Variants in CC2D2B observed in about 807,000 individuals in gnomAD.
CC2D2B encodes the protein coiled-coil and C2 domain containing 2B.
CC2D2B carries 128 observed loss-of-function variants against 161.2 expected under a neutral mutation model. The ratio of observed to expected loss-of-function variants is 0.79; its 90% CI spans 0.69 to 0.92. The LOEUF is 0.92. Ranked by LOEUF, CC2D2B falls within the 40% of genes least tolerant of loss-of-function variation. The pLI is 0.00. For synonymous variants in CC2D2B, 391 were observed against 449.8 expected (o/e 0.87, Z 1.65); for missense variants, 1,173 against 1,375.1 (o/e 0.85, Z 2.32).
chr10:95,917,008 C>A (rs1327618936), intron 2 of CC2D2B, among the ~76,000 whole-genome samples: 2 of 152,060 alleles, frequency 1.3e-5, no homozygotes, highest in Non-Finnish European at 2.9e-5. Context: ...CCAACTATTG[C>A]TGCATTGGTT....
intron 20 of CC2D2B, among the ~76,000 whole-genome samples, chr10:95,990,292 C>T (rs1333204616): frequency 6.6e-6 from 1 of 151,860 alleles, no homozygotes; most frequent in East Asian, 1.9e-4. Context: ...AGTAAGGGCA[C>T]AATTTTAAAT....
rs182838886 is a variant in CC2D2B, at chr10:95,956,379, A to C, written c.1109+888A>C. 1.3e-3 allele frequency among the ~76,000 whole-genome samples: 198 copies of C among 152,264 alleles called. 2 individuals carry two copies. Among genetic ancestry groups the C allele is most frequent in the Non-Finnish European group, 2.5e-3 (172 of 68,020 alleles). ...GAAAATAGAATTATCAAATATAGAA[A>C]ATAATATAACTTTTTAAAATATGAT... On this transcript the variant is annotated intron_variant, in intron 11 of 34. Coordinates refer to ENST00000646931, the MANE Select transcript of CC2D2B (RefSeq NM_001349008.3).
chr10:95,974,736 T>G (rs2077255024), intron 17 of CC2D2B, among the ~76,000 whole-genome samples: 1 of 152,184 alleles, frequency 6.6e-6, no homozygotes, highest in Admixed American at 6.5e-5. Context: ...ACACATATTT[T>G]TAAAAATAAA....
At chr10:96,004,947 A>G (rs1260914631) in intron 25 of CC2D2B, among the ~76,000 whole-genome samples, 1 of 152,210 alleles carries the variant, frequency 6.6e-6, no homozygotes, top group African/African-American at 2.4e-5. Context: ...TTGAAGAGTA[A>G]GGTTCAGGAA....
chr10:95,947,583 A>G (rs2076266328), intron 9 of CC2D2B, among the ~76,000 whole-genome samples: 2 of 151,976 alleles, frequency 1.3e-5, no homozygotes, highest in African/African-American at 4.8e-5. Context: ...CTCTACTAAA[A>G]ATACAAACAT....
chr10:96,029,083 T>C (rs933372646), intron 34 of CC2D2B, among the ~76,000 whole-genome samples: 118 of 151,868 alleles, frequency 7.8e-4, no homozygotes, highest in African/African-American at 2.7e-3. Context: ...TAGTCAATCA[T>C]AATTTAATTG....
At chr10:95,934,468 A>C (rs2075741948) in intron 6 of CC2D2B, among the ~76,000 whole-genome samples, 1 of 152,034 alleles carries the variant, frequency 6.6e-6, no homozygotes, top group East Asian at 1.9e-4. Context: ...CAAACAAAAA[A>C]ACCTCTTGAA....
intron 10 of CC2D2B, chr10:95,950,596 C>G (rs1209497930): frequency 6.6e-6 from 1 of 152,164 alleles, no homozygotes; most frequent in Admixed American, 6.6e-5. Context: ...AAACTCTCTG[C>G]TAGTTTTCTG....
At chr10:95,945,422 G>C (rs562697597) in intron 9 of CC2D2B, among the ~76,000 whole-genome samples, 8 of 152,252 alleles carry the variant, frequency 5.3e-5, no homozygotes, top group Admixed American at 3.3e-4. Flanking sequence ...TCCTGTCTTT[G>C]CTTCTGCCTC....
chr10:95,983,970 C>T (rs1483173042), intron 19 of CC2D2B, among the ~76,000 whole-genome samples, 161 bp downstream of exon 19: 2 of 152,104 alleles, frequency 1.3e-5, no homozygotes, highest in African/African-American at 4.8e-5. Flanking sequence ...CTCCCAAATT[C>T]CAGAAATTCT....
intron 2 of CC2D2B, among the ~76,000 whole-genome samples, chr10:95,918,723 T>G (rs1336651825): frequency 6.6e-6 from 1 of 152,202 alleles, no homozygotes; most frequent in Non-Finnish European, 1.5e-5. Flanking sequence ...CTCTACCTCT[T>G]CTTTAAGGCC....
chr10:95,921,054 C>CA (rs1389994745), intron 2 of CC2D2B: 18 of 152,526 alleles, frequency 1.2e-4, no homozygotes, highest in Non-Finnish European at 2.9e-5. Context: ...CCTGAGTCCA[C>CA]TGGCTGTGAG....
At chr10:95,910,110 C>T (rs1319221426) in intron 1 of CC2D2B, among the ~76,000 whole-genome samples, 1 of 152,168 alleles carries the variant, frequency 6.6e-6, no homozygotes, top group Non-Finnish European at 1.5e-5. Flanking sequence ...GAGCTGTCAT[C>T]ATGCCACTGC....
At chr10:95,980,242 A>G (rs1365872944) in intron 17 of CC2D2B, among the ~76,000 whole-genome samples, 1 of 152,148 alleles carries the variant, frequency 6.6e-6, no homozygotes, top group Non-Finnish European at 1.5e-5. Flanking sequence ...ATCTTCAATC[A>G]TTTGACTGGT....
intron 9 of CC2D2B, among the ~76,000 whole-genome samples, chr10:95,939,973 A>G (rs866329362): frequency 2.0e-5 from 3 of 152,300 alleles, no homozygotes; most frequent in Middle Eastern, 6.8e-3. Context: ...TAATTTATAA[A>G]TAAAAGAGGT....
At chr10:95,982,477 TC>T (rs1202805462) in intron 18 of CC2D2B, among the ~76,000 whole-genome samples, 1 of 152,162 alleles carries the variant, frequency 6.6e-6, no homozygotes, top group East Asian at 1.9e-4. Context: ...TCTCTCAGAC[TC>T]CATTATATGG....
intron 20 of CC2D2B, among the ~76,000 whole-genome samples, chr10:95,990,290 C>T (rs2077898462): frequency 6.6e-6 from 1 of 151,954 alleles, no homozygotes; most frequent in African/African-American, 2.4e-5. Context: ...TGAGTAAGGG[C>T]ACAATTTTAA....
chr10:96,001,960 A>C (rs2078517291), intron 24 of CC2D2B, among the ~76,000 whole-genome samples: 1 of 152,236 alleles, frequency 6.6e-6, no homozygotes, highest in Non-Finnish European at 1.5e-5. Context: ...ATTGTATAAT[A>C]TCAAGTTAAA....
At position 95,938,793 on chromosome 10, in the gene CC2D2B, A is replaced by G. The variant is rs1320271848; in HGVS notation, c.673-4A>G. 1 of 705,014 alleles carries G rather than the reference A, an allele frequency of 1.4e-6. No homozygotes were observed. The highest frequency in any genetic ancestry group is 2.6e-6 in the Non-Finnish European group (1 of 381,884). The allele number at this position is 705,014 out of a possible 1,614,324, so 43.7% of individuals were successfully genotyped here. A position where few individuals can be genotyped will look rare whatever the true frequency, so the allele number is the denominator to read the frequency against. On this transcript the variant is annotated splice_polypyrimidine_tract_variant and splice_region_variant and intron_variant, in intron 8 of 34. Coordinates refer to ENST00000646931, the MANE Select transcript of CC2D2B (RefSeq NM_001349008.3). ...TAATTACTATACTTAAATATTTTTG[A>G]TAGGGAAAATGTTGGTTTGGAGAAA...
Sources: gnomAD v4.1 joint callset for allele counts (sites outside exome capture counted in the v4.1 genomes callset) on GRCh38, gnomAD v4.1.1 for gene constraint, MANE v1.5 for transcripts, NCBI Gene and HGNC (gene_info 2026-07-23, HGNC 2026-07-21) for gene names.